Variants in ZNF804A observed in about 807,000 individuals in gnomAD.
The protein encoded by ZNF804A is zinc finger protein 804A.
Under a neutral mutation model 16.5 loss-of-function variants are expected in ZNF804A, and 2 were observed. That is an observed-to-expected ratio of 0.12 (90% CI 0.05 to 0.38). The LOEUF is 0.38. Among genes scored for constraint, ZNF804A ranks in the 10% least tolerant of loss-of-function variants. The pLI is 0.99. For missense variants in ZNF804A, 1,473 were observed against 1,390.7 expected (o/e 1.06, Z -0.94); for synonymous variants, 534 against 489.6 (o/e 1.09, Z -1.20).
rs180850165 is a variant in ZNF804A, at chr2:184,813,512, G to A, written c.112-52857G>A. 3.2e-3 allele frequency among the ~76,000 whole-genome samples: 487 copies of A among 152,192 alleles called. 1 individual carries two copies. Among genetic ancestry groups the A allele is most frequent in the Non-Finnish European group, 5.4e-3 (369 of 67,968 alleles). On this transcript the variant is annotated intron_variant, in intron 1 of 3. Coordinates refer to ENST00000302277, the MANE Select transcript of ZNF804A (RefSeq NM_194250.2). ...TGGTTGAGATTCTGGTCACCTTGTA[G>A]AAGATTTTGCCTGAGTTAAGAGTTT...
chr2:184,730,163 CT>C (rs1693489106), intron 1 of ZNF804A, among the ~76,000 whole-genome samples: 1 of 152,060 alleles, frequency 6.6e-6, no homozygotes, highest in Non-Finnish European at 1.5e-5. Context: ...ATAATATCCT[CT>C]AGGTAATTGA....
At position 184,598,618 on chromosome 2, in the gene ZNF804A, C is replaced by G. The variant is rs1206775011; in HGVS notation, c.-342C>G. 2 of 173,550 alleles carry G rather than the reference C, an allele frequency of 1.2e-5. No homozygotes were observed. The highest frequency in any genetic ancestry group is 4.7e-5 in the African/African-American group (2 of 42,180). The allele number at this position is 173,550 out of a possible 1,614,324, so 10.8% of individuals were successfully genotyped here. On this transcript the variant is annotated 5_prime_UTR_variant, in exon 1 of 4. Transcript: ENST00000302277. Reference sequence around the variant, plus strand: ...GGCGGCTCCCGCAGCCCCGCTCCGCCCGGCCACCGCGCGGGCACTGACTCC... The same window carrying G: ...GGCGGCTCCCGCAGCCCCGCTCCGCGCGGCCACCGCGCGGGCACTGACTCC...
chr2:184,901,906 CAT>C (rs1424368836), intron 2 of ZNF804A, among the ~76,000 whole-genome samples: 1 of 151,830 alleles, frequency 6.6e-6, no homozygotes, highest in Admixed American at 6.6e-5. Flanking sequence ...TATAATATCA[CAT>C]GACGCTTTCT....
intron 1 of ZNF804A, among the ~76,000 whole-genome samples, chr2:184,634,870 T>C (rs1691670136): frequency 6.6e-6 from 1 of 152,222 alleles, no homozygotes; most frequent in Non-Finnish European, 1.5e-5. Context: ...ATGTTTGTGG[T>C]ATTTGTCAGG....
At chr2:184,648,351 A>G (rs945431512) in intron 1 of ZNF804A, among the ~76,000 whole-genome samples, 3 of 152,190 alleles carry the variant, frequency 2.0e-5, no homozygotes, top group Non-Finnish European at 2.9e-5. Context: ...CAATCACGCA[A>G]TAGAAACTCA....
intron 1 of ZNF804A, among the ~76,000 whole-genome samples, chr2:184,748,674 T>A (rs1356339356): frequency 6.6e-6 from 1 of 151,256 alleles, no homozygotes; most frequent in African/African-American, 2.4e-5. Flanking sequence ...CAATAGCTTC[T>A]GAAGGTTATT....
intron 2 of ZNF804A, among the ~76,000 whole-genome samples, chr2:184,895,384 A>G (rs954156868): frequency 1.3e-5 from 2 of 152,250 alleles, no homozygotes; most frequent in African/African-American, 4.8e-5. Flanking sequence ...GCATTTTAAG[A>G]TGGAATTATT....
At chr2:184,809,253 A>G (rs1320530461) in intron 1 of ZNF804A, among the ~76,000 whole-genome samples, 6 of 151,894 alleles carry the variant, frequency 4.0e-5, no homozygotes, top group East Asian at 1.9e-4. Flanking sequence ...TAAAATTATT[A>G]TTTTTATTTT....
At chr2:184,738,522 T>C (rs569397925) in intron 1 of ZNF804A, among the ~76,000 whole-genome samples, 1 of 152,216 alleles carries the variant, frequency 6.6e-6, no homozygotes, top group African/African-American at 2.4e-5. Context: ...AAGGCATTAT[T>C]GTAAATTAGA....
intron 1 of ZNF804A, among the ~76,000 whole-genome samples, chr2:184,806,268 T>C (rs937620756): frequency 3.3e-5 from 5 of 152,000 alleles, no homozygotes; most frequent in African/African-American, 1.2e-4. Flanking sequence ...CATACTCTTA[T>C]ACATTCGTAG....
intron 2 of ZNF804A, among the ~76,000 whole-genome samples, chr2:184,904,869 C>T (rs747896180): frequency 1.3e-5 from 2 of 151,982 alleles, no homozygotes; most frequent in African/African-American, 2.4e-5. Flanking sequence ...TTTCTTCTGT[C>T]TCTATGGATT....
At chr2:184,774,507 G>A (rs1197271544) in intron 1 of ZNF804A, among the ~76,000 whole-genome samples, 1 of 151,622 alleles carries the variant, frequency 6.6e-6, no homozygotes, top group African/African-American at 2.4e-5. Flanking sequence ...TCTTGTTGCT[G>A]TTCATTTTAT....
At chr2:184,879,465 A>G (rs34233935) in intron 2 of ZNF804A, among the ~76,000 whole-genome samples, 2,353 of 152,084 alleles carry the variant, frequency 0.015, 31 homozygotes, top group Non-Finnish European at 0.023. Flanking sequence ...CAGAAAGCAT[A>G]CCAACCGTGC....
chr2:184,846,234 T>C (rs1369181113), intron 1 of ZNF804A, among the ~76,000 whole-genome samples: 2 of 152,108 alleles, frequency 1.3e-5, no homozygotes, highest in Non-Finnish European at 2.9e-5. Context: ...TTTGTCTCAG[T>C]GTGTATTTCT....
At chr2:184,696,819 G>T (rs1337084619) in intron 1 of ZNF804A, among the ~76,000 whole-genome samples, 2 of 151,796 alleles carry the variant, frequency 1.3e-5, no homozygotes, top group Admixed American at 1.3e-4. Context: ...AATCAAATGG[G>T]TTATATAAAT....
chr2:184,646,808 A>C (rs545966981), intron 1 of ZNF804A, among the ~76,000 whole-genome samples: 2 of 152,354 alleles, frequency 1.3e-5, no homozygotes, highest in South Asian at 4.1e-4. Context: ...CTTGGTGGCC[A>C]GACACTGTAT....
chr2:184,711,873 T>A (rs1693134455), intron 1 of ZNF804A, among the ~76,000 whole-genome samples: 2 of 151,804 alleles, frequency 1.3e-5, no homozygotes, highest in African/African-American at 4.8e-5. Flanking sequence ...ACTGTTTTGA[T>A]TACTATAGCA....
At chr2:184,647,630 A>G (rs760130869) in intron 1 of ZNF804A, among the ~76,000 whole-genome samples, 16 of 152,240 alleles carry the variant, frequency 1.1e-4, no homozygotes, top group Non-Finnish European at 2.1e-4. Context: ...TGGATCAGGC[A>G]GAAGATAGAA....
intron 1 of ZNF804A, among the ~76,000 whole-genome samples, chr2:184,784,599 AT>A (rs1329722278): frequency 2.0e-5 from 3 of 151,928 alleles, no homozygotes; most frequent in Non-Finnish European, 4.4e-5. Flanking sequence ...ACAGGTTGTT[AT>A]TTTAAGTTTG....
Sources: allele counts gnomAD v4.1 joint callset (sites outside exome capture counted in the v4.1 genomes callset), GRCh38; gene constraint gnomAD v4.1.1; transcripts MANE v1.5; gene names NCBI Gene and HGNC (gene_info 2026-07-23, HGNC 2026-07-21).